The following SYNE2 variants were observed in gnomAD, a reference collection of about 807,000 sequenced individuals.
SYNE2 encodes the protein nesprin-2.
Under a neutral mutation model 856.3 loss-of-function variants are expected in SYNE2, and 431 were observed. The observed-to-expected ratio is 0.50, with a 90% CI of 0.47 to 0.55. The LOEUF is 0.55. Ranked by LOEUF, SYNE2 falls within the 20% of genes least tolerant of loss-of-function variation. The probability of loss-of-function intolerance (pLI) is 0.00; values close to 1 mark genes in which losing one functional copy is unlikely to be tolerated. For missense variants in SYNE2, 8,129 were observed against 8,023.2 expected, an observed-to-expected ratio of 1.01 and a Z score of -0.50; for synonymous variants, 2,923 against 2,872.3, an observed-to-expected ratio of 1.02 and a Z score of -0.56.
intron 1 of SYNE2, among the ~76,000 whole-genome samples, chr14:63,786,690 A>T (rs867449601): frequency 6.6e-6 from 1 of 152,218 alleles, no homozygotes; most frequent in Non-Finnish European, 1.5e-5. Context: ...GAGAAGTAGT[A>T]TATGCTATGA....
intron 2 of SYNE2, among the ~76,000 whole-genome samples, chr14:63,915,466 C>A (rs931030841): frequency 8.5e-5 from 13 of 152,082 alleles, no homozygotes; most frequent in Non-Finnish European, 1.8e-4. Context: ...CAACATAGGC[C>A]AATGCTCTAG....
chr14:64,139,851 A>G (rs1250239551), intron 79 of SYNE2, 90 bp from the exon 80 acceptor site: 3 of 1,302,344 alleles, frequency 2.3e-6, no homozygotes, highest in Non-Finnish European at 3.3e-6. Context: ...ATAGGAGGAC[A>G]TACAATAAAA....
intron 1 of SYNE2, among the ~76,000 whole-genome samples, chr14:63,840,182 A>G (rs1228661969): frequency 1.3e-5 from 2 of 152,196 alleles, no homozygotes; most frequent in African/African-American, 4.8e-5. Flanking sequence ...AGGCAGGAGA[A>G]TCACTTGAAC....
chr14:64,066,318 A>G (rs1057428089), intron 51 of SYNE2, among the ~76,000 whole-genome samples: 1 of 152,046 alleles, frequency 6.6e-6, no homozygotes, highest in African/African-American at 2.4e-5. Context: ...CAGGCAATGG[A>G]GTGAACCCCA....
At chr14:64,094,342 T>TA (rs930150006) in intron 61 of SYNE2, among the ~76,000 whole-genome samples, 53 of 150,696 alleles carry the variant, frequency 3.5e-4, no homozygotes, top group African/African-American at 1.1e-3. Context: ...TCAAAAAAAT[T>TA]AAAAAAAATA....
intron 83 of SYNE2, 115 bp from the exon 84 acceptor site, chr14:64,145,953 A>G (rs950004683): frequency 1.6e-5 from 11 of 693,986 alleles, no homozygotes; most frequent in Non-Finnish European, 2.3e-5. Flanking sequence ...ATCTTATTAC[A>G]TGAAATATTA....
At chr14:64,061,969 C>T (rs987760028) in intron 49 of SYNE2, among the ~76,000 whole-genome samples, 1 of 152,126 alleles carries the variant, frequency 6.6e-6, no homozygotes, top group Non-Finnish European at 1.5e-5. Flanking sequence ...AATTCCTTGT[C>T]AATTTATTCA....
intron 99 of SYNE2, among the ~76,000 whole-genome samples, chr14:64,193,616 A>G (rs983401047): frequency 5.9e-5 from 9 of 152,184 alleles, no homozygotes; most frequent in African/African-American, 1.9e-4. Context: ...GATCTTAACT[A>G]TAAAACTAAC....
Position 64,188,638 on chromosome 14 carries a change from T to C in SYNE2, c.17801T>C (p.Val5934Ala). Residue 5934 changes from valine (V) to alanine (A), a missense_variant, in exon 98 of 116, where the codon GTG (valine) becomes GCG (alanine). This residue lies in a region of SYNE2 where 5,410 missense variants were observed against 5,284.8 expected (regional missense o/e 1.02). Transcript: ENST00000555002. The part of the protein sequence containing the change: ...EKNKELCAWL[V>A]QMENKVLQTA... ...AATAAAGAGTTGTGTGCCTGGCTGG[T>C]GCAGATGGAAAACAAAGTTCTACAG... The C allele has an allele frequency of 1.2e-6, 2 of 1,614,212 alleles. No homozygotes were observed. Among genetic ancestry groups the C allele is most frequent in the Non-Finnish European group, 1.7e-6 (2 of 1,180,030 alleles).
intron 47 of SYNE2, 91 bp downstream of exon 47, chr14:64,049,967 T>G: frequency 6.9e-7 from 1 of 1,440,342 alleles, no homozygotes; most frequent in East Asian, 2.4e-5. Context: ...GAGTTTATAT[T>G]GTGAAAGGAA....
At chr14:63,950,370 A>G (rs1393226868) in intron 7 of SYNE2, among the ~76,000 whole-genome samples, 2 of 152,128 alleles carry the variant, frequency 1.3e-5, no homozygotes, top group Non-Finnish European at 2.9e-5. Flanking sequence ...CCTGGCTAAC[A>G]TGGTGAAACC....
rs1249223309 is a variant in SYNE2, at chr14:64,134,211, TC to T, written c.14646+13del. The T allele has an allele frequency of 1.2e-6, 2 of 1,613,990 alleles. No individual in the cohort carries two copies. The highest frequency in any genetic ancestry group is 1.7e-6 in the Non-Finnish European group (2 of 1,179,860). ...ATTTCATTTTACCAGGTATTTGTCT[TC>T]CATTTAAGTTATCAAAGGCGTGTCC... is the stretch of plus-strand genomic sequence containing the variant. On this transcript the variant is annotated intron_variant, in intron 78 of 115. Transcript: ENST00000555002.
intron 30 of SYNE2, among the ~76,000 whole-genome samples, chr14:64,005,487 G>T (rs1048703398): frequency 1.3e-5 from 2 of 152,158 alleles, no homozygotes; most frequent in Middle Eastern, 3.2e-3. Context: ...CCTTCCTCTG[G>T]GTTCAAGTGC....
intron 107 of SYNE2, chr14:64,215,807 C>T: frequency 1.8e-6 from 1 of 545,720 alleles, no homozygotes; most frequent in Non-Finnish European, 2.7e-6. Flanking sequence ...CCTTGATTTG[C>T]AGCTCTAATC....
chr14:63,780,566 A>G (rs1595103327), intron 1 of SYNE2, among the ~76,000 whole-genome samples: 2 of 152,258 alleles, frequency 1.3e-5, no homozygotes, highest in Admixed American at 1.3e-4. Context: ...CAAACTATAC[A>G]GTTTCTACTC....
In SYNE2 at chr14:63,816,698, TTTTTAA is replaced by T. The variant is rs148491041; in HGVS notation, c.-304-35774_-304-35769del. 5.6e-3 allele frequency among the ~76,000 whole-genome samples: 833 copies of T among 148,698 alleles called. 8 individuals are homozygous for T. Among genetic ancestry groups the T allele is most frequent in the South Asian group, 0.017 (75 of 4,534 alleles). On this transcript the variant is annotated intron_variant, in intron 1 of 23. Transcript: ENST00000674003. ...AGAGAAAAGTCTGAACAAACAGGTC[TTTTTAA>T]TTTTAATTTTAATTTTAATTTTAAT...
intron 1 of SYNE2, among the ~76,000 whole-genome samples, chr14:63,794,745 A>C (rs887140891): frequency 6.6e-6 from 1 of 152,224 alleles, no homozygotes; most frequent in African/African-American, 2.4e-5. Context: ...GCTATGATCA[A>C]AGAGACAGCA....
intron 29 of SYNE2, 81 bp downstream of exon 29, chr14:64,002,162 AT>A: frequency 8.6e-7 from 1 of 1,166,742 alleles, no homozygotes. Flanking sequence ...ATTTTTAATT[AT>A]TCATGATAGC....
intron 52 of SYNE2, among the ~76,000 whole-genome samples, chr14:64,071,699 T>G (rs2097409207): frequency 6.6e-6 from 1 of 152,140 alleles, no homozygotes; most frequent in South Asian, 2.1e-4. Context: ...TGTCTTCCTA[T>G]GCCATTAAAT....
Sources: allele counts gnomAD v4.1 joint callset (sites outside exome capture counted in the v4.1 genomes callset), GRCh38; gene constraint gnomAD v4.1.1; regional missense constraint gnomAD v4.1.1; transcripts MANE v1.5; gene names NCBI Gene and HGNC (gene_info 2026-07-23, HGNC 2026-07-21).